SYCP1: variants seen among roughly 807,000 people sequenced by gnomAD.
The protein encoded by SYCP1 is synaptonemal complex protein 1.
Under a neutral mutation model 153.1 loss-of-function variants are expected in SYCP1, and 64 were observed. The observed-to-expected ratio is 0.42, with a 90% CI of 0.34 to 0.51. The LOEUF is 0.51. SYCP1 is among the 20% of genes least tolerant of loss of function. SYCP1 has a pLI of 0.06. For missense variants in SYCP1, 997 were observed against 1,049.0 expected, an observed-to-expected ratio of 0.95 and a Z score of 0.68; for synonymous variants, 384 against 341.8, an observed-to-expected ratio of 1.12 and a Z score of -1.36.
intron 27 of SYCP1, among the ~76,000 whole-genome samples, chr1:114,971,199 C>T (rs980141270): frequency 3.3e-5 from 5 of 152,076 alleles, no homozygotes; most frequent in African/African-American, 1.2e-4. Context: ...TCAGTTACTA[C>T]GTCAGGTAGA....
Position 114,984,705 on chromosome 1 carries a change from G to A in SYCP1, c.2560-20G>A. On this transcript the variant is annotated intron_variant, in intron 29 of 31. Coordinates refer to ENST00000369522, the MANE Select transcript of SYCP1 (RefSeq NM_003176.4). ...TATTTTATTTGATATGATAATGTAT[G>A]GTTTTTTATTTTTGGATAGGCATAT... 1.5e-6 allele frequency: 2 copies of A among 1,343,676 alleles called. No individual in the cohort carries two copies. Among genetic ancestry groups the A allele is most frequent in the African/African-American group, 1.5e-5 (1 of 66,356 alleles). 83.2% of individuals were successfully genotyped at this position (1,343,676 alleles called of 1,614,324 possible).
chr1:114,995,310 T>C lies in SYCP1; in HGVS notation c.*291T>C. On this transcript the variant is annotated 3_prime_UTR_variant, in exon 32 of 32. Transcript: ENST00000369522. ...ATTTGTAAAGTTAGCCTTTGAATGC[T>C]AAGAATGCATTATTGAGGGTCATTC... is the stretch of plus-strand genomic sequence containing the variant. 4.5e-6 allele frequency: 1 copy of C among 224,456 alleles called. No homozygotes were observed. Among genetic ancestry groups the C allele is most frequent in the Non-Finnish European group, 8.7e-6 (1 of 114,628 alleles). 13.9% of individuals were successfully genotyped at this position (224,456 alleles called of 1,614,324 possible).
chr1:114,914,955 A>G (rs1339953336), intron 20 of SYCP1, among the ~76,000 whole-genome samples: 3 of 152,156 alleles, frequency 2.0e-5, no homozygotes, highest in African/African-American at 7.2e-5. Flanking sequence ...CATCCATGCT[A>G]TCAAGACACA....
At chr1:114,882,920 C>T (rs1006684205) in intron 12 of SYCP1, among the ~76,000 whole-genome samples, 7 of 152,134 alleles carry the variant, frequency 4.6e-5, no homozygotes, top group Non-Finnish European at 1.0e-4. Context: ...GCTTATTGTA[C>T]AAAAGTTTAC....
intron 20 of SYCP1, among the ~76,000 whole-genome samples, chr1:114,918,929 G>C (rs360578): frequency 1.3e-5 from 2 of 151,750 alleles, no homozygotes; most frequent in Admixed American, 6.6e-5. Context: ...AAATATACAT[G>C]TTTCCAAGAA....
At chr1:114,895,376 CTTGT>C (rs1229020299) in intron 15 of SYCP1, 68 bp from the exon 16 acceptor site, 2 of 1,021,512 alleles carry the variant, frequency 2.0e-6, no homozygotes, top group African/African-American at 3.3e-5. Flanking sequence ...TAGTATTATG[CTTGT>C]TCCTTCTGTC....
At chr1:114,938,201 G>C (rs1670151935) in intron 23 of SYCP1, among the ~76,000 whole-genome samples, 1 of 152,094 alleles carries the variant, frequency 6.6e-6, no homozygotes, top group African/African-American at 2.4e-5. Context: ...TATACACCAT[G>C]GAATACTATG....
intron 5 of SYCP1, 27 bp from the exon 6 acceptor site, chr1:114,858,520 T>C (rs201439119): frequency 6.3e-5 from 97 of 1,539,588 alleles, no homozygotes; most frequent in Non-Finnish European, 7.6e-5. Context: ...TTTTGGACAA[T>C]TAATTTTTGA....
intron 27 of SYCP1, among the ~76,000 whole-genome samples, chr1:114,966,344 T>A (rs988215066): frequency 6.6e-5 from 10 of 152,212 alleles, no homozygotes; most frequent in African/African-American, 1.9e-4. Flanking sequence ...CTCGATGTCC[T>A]TCAGTTCTGC....
chr1:114,878,044 G>A (rs752365807), intron 11 of SYCP1, 50 bp from the exon 12 acceptor site: 1 of 1,020,528 alleles, frequency 9.8e-7, no homozygotes, highest in Non-Finnish European at 1.4e-6. Context: ...AAATGTTAAG[G>A]TGTCATATTT....
At chr1:114,863,368 A>G (rs998994098) in intron 8 of SYCP1, among the ~76,000 whole-genome samples, 7 of 152,140 alleles carry the variant, frequency 4.6e-5, no homozygotes, top group Non-Finnish European at 8.8e-5. Flanking sequence ...CCTGGCCAAC[A>G]TGGTGAAACC....
chr1:114,926,336 A>G lies in SYCP1; in HGVS notation c.1859A>G (p.Gln620Arg). ...NKNKYIEELQ[Q>R]ENKALKKKGT... The stretch of plus-strand genomic sequence containing the variant: ...AACAAGTATATTGAAGAACTTCAGC[A>G]GGAGGTATGTATTTTTTATAAATAT... Residue 620 changes from glutamine (Q) to arginine (R), a missense_variant, in exon 22 of 32, where the codon CAG (glutamine) becomes CGG (arginine). Around this residue, in one of 2 missense-constraint regions of SYCP1, gnomAD observed 712 missense variants for 682.9 expected, o/e 1.04. Transcript: ENST00000369522. 1 of 1,538,194 alleles carries G rather than the reference A, an allele frequency of 6.5e-7. No homozygotes were observed. Among genetic ancestry groups the G allele is most frequent in the Non-Finnish European group, 8.8e-7 (1 of 1,141,178 alleles).
chr1:114,873,071 T>C (rs1665266293), intron 8 of SYCP1, among the ~76,000 whole-genome samples: 1 of 152,228 alleles, frequency 6.6e-6, no homozygotes, highest in Non-Finnish European at 1.5e-5. Context: ...GTCTACTTTA[T>C]GTACTAGAGC....
intron 23 of SYCP1, among the ~76,000 whole-genome samples, chr1:114,938,471 A>T (rs975633304): frequency 2.6e-5 from 4 of 152,140 alleles, no homozygotes; most frequent in African/African-American, 9.7e-5. Flanking sequence ...CAGGTACAGC[A>T]CACCAACATG....
At chr1:114,904,237 C>T (rs932487907) in intron 16 of SYCP1, among the ~76,000 whole-genome samples, 4 of 151,946 alleles carry the variant, frequency 2.6e-5, no homozygotes, top group African/African-American at 9.7e-5. Context: ...CTGTCTCAGC[C>T]TCCCGAGTAG....
rs1425753177 is a variant in SYCP1 at position 114,911,396 on chromosome 1, T to C, written c.1426-83T>C. 1.2e-5 allele frequency: 13 copies of C among 1,087,702 alleles called. No homozygotes were observed. The East Asian group carries it at 2.9e-4, about 24-fold the overall frequency. The allele number at this position is 1,087,702 out of a possible 1,614,324, so 67.4% of individuals were successfully genotyped here. On this transcript the variant is annotated intron_variant, in intron 17 of 31. Transcript: ENST00000369522. ...ACCTGCCAAATTTTTGCCAAATATA[T>C]GACTTAATTACACAGTGACTATACC...
intron 23 of SYCP1, among the ~76,000 whole-genome samples, chr1:114,929,837 C>T (rs1225712290): frequency 2.0e-5 from 3 of 152,004 alleles, no homozygotes; most frequent in Non-Finnish European, 2.9e-5. Context: ...CTGAACATCA[C>T]TATTAACTAC....
At chr1:114,935,846 T>G (rs1669962284) in intron 23 of SYCP1, among the ~76,000 whole-genome samples, 1 of 152,110 alleles carries the variant, frequency 6.6e-6, no homozygotes, top group African/African-American at 2.4e-5. Context: ...CTCCTAAGAC[T>G]AAACCAGGAA....
chr1:114,874,933 T>G, intron 9 of SYCP1, among the ~76,000 whole-genome samples: 1 of 152,220 alleles, frequency 6.6e-6, no homozygotes, highest in East Asian at 1.9e-4. Context: ...GCTTTTCTGC[T>G]GTAGTCACTC....
Sources: allele counts gnomAD v4.1 joint callset (sites outside exome capture counted in the v4.1 genomes callset), GRCh38; gene constraint gnomAD v4.1.1; regional missense constraint gnomAD v4.1.1; transcripts MANE v1.5; gene names NCBI Gene and HGNC (gene_info 2026-07-23, HGNC 2026-07-21).